Variants in MORC2 observed in about 807,000 individuals in gnomAD.
MORC2 encodes MORC family CW-type zinc finger 2.
Under a neutral mutation model 136.0 loss-of-function variants are expected in MORC2, and 30 were observed. The observed-to-expected ratio is 0.22, with a 90% confidence interval of 0.17 to 0.30. The LOEUF is 0.30. Ranked by LOEUF, MORC2 falls within the 10% of genes least tolerant of loss-of-function variation. The pLI, the probability that MORC2 is intolerant of heterozygous loss-of-function variation, is 1.00. For synonymous variants in MORC2, 439 were observed against 487.0 expected (o/e 0.90, Z 1.30); for missense variants, 922 against 1,333.1 (o/e 0.69, Z 4.80).
intron 12 of MORC2, among the ~76,000 whole-genome samples, chr22:30,938,497 G>A (rs187669362): frequency 7.2e-5 from 11 of 152,120 alleles, no homozygotes. Flanking sequence ...TCTGTGCAAA[G>A]ACAATTATAT....
intron 1 of MORC2, among the ~76,000 whole-genome samples, chr22:30,960,124 C>T (rs556531480): frequency 6.6e-5 from 10 of 152,238 alleles, no homozygotes; most frequent in African/African-American, 2.4e-4. Context: ...TGCGCCACCA[C>T]ACCCGGCTAA....
chr22:30,936,923 T>G lies in MORC2; in HGVS notation c.1604+9A>C, dbSNP rs766929606. 4 of 1,609,660 alleles carry G rather than the reference T, an allele frequency of 2.5e-6. No homozygotes were observed. The highest frequency in any genetic ancestry group is 3.4e-6 in the Non-Finnish European group (4 of 1,176,084). Reference sequence around the variant, plus strand: ...TACCCACAATCCCCTTGTTAGACAATGTGCTCACCGGTCCTGTTCAGGATC... The same window carrying G: ...TACCCACAATCCCCTTGTTAGACAAGGTGCTCACCGGTCCTGTTCAGGATC... On this transcript the variant is annotated intron_variant, in intron 16 of 25. Coordinates refer to ENST00000397641, the MANE Select transcript of MORC2 (RefSeq NM_001303256.3).
intron 10 of MORC2, 27 bp downstream of exon 10, chr22:30,940,731 C>G (rs2040731235): frequency 1.2e-6 from 2 of 1,607,480 alleles, no homozygotes; most frequent in Admixed American, 1.7e-5. Context: ...CACACCCCCC[C>G]AACTCCTGCA....
At position 30,941,288 on chromosome 22, in the gene MORC2, G is replaced by A; in HGVS notation, c.824+145C>T. On this transcript the variant is annotated intron_variant, in intron 9 of 25. Coordinates refer to ENST00000397641, the MANE Select transcript of MORC2 (RefSeq NM_001303256.3). This position sits in a 1 kb window ranked among gnomAD's most constrained non-coding sequence, Gnocchi z 4.6. Reference sequence around the variant, plus strand: ...CTCTAGGACCCAGAACTGACCCTGTGACCAATCACAGGCAACTTAAAGTCC... The same window carrying A: ...CTCTAGGACCCAGAACTGACCCTGTAACCAATCACAGGCAACTTAAAGTCC... The A allele has an allele frequency of 8.0e-7, 1 of 1,243,018 alleles. No homozygotes were observed. 77.0% of individuals were successfully genotyped at this position (1,243,018 alleles called of 1,614,324 possible).
chr22:30,946,136 G>C (rs2040812167), intron 6 of MORC2, among the ~76,000 whole-genome samples: 1 of 152,198 alleles, frequency 6.6e-6, no homozygotes, highest in Non-Finnish European at 1.5e-5. Context: ...GAAGTGCTCT[G>C]AGATTTTGCT....
At position 30,937,049 on chromosome 22, in the gene MORC2, A is replaced by C. The variant is rs774266265; in HGVS notation, c.1499-12T>G. 192 of 1,590,790 alleles carry C rather than the reference A, an allele frequency of 1.2e-4. 1 individual carries two copies. In the South Asian group the frequency reaches 2.0e-3, roughly 17 times the overall value. On this transcript the variant is annotated splice_polypyrimidine_tract_variant and intron_variant, in intron 15 of 25. Coordinates refer to ENST00000397641, the MANE Select transcript of MORC2 (RefSeq NM_001303256.3). The surrounding 1 kb of genome is among the most constrained non-coding windows in gnomAD (Gnocchi z 4.7). ...TTTCAGACACAAATCTGCAGAGAGC[A>C]AAAAAACCCCACATATCAGCCACGC...
At chr22:30,935,366 A>G (rs767517086) in intron 17 of MORC2, 44 bp from the exon 18 acceptor site, 1 of 1,580,010 alleles carries the variant, frequency 6.3e-7, no homozygotes, top group East Asian at 2.2e-5. Flanking sequence ...ATATTTTAGT[A>G]TACTTGAGCA....
chr22:30,949,364 G>C (rs552238962), intron 5 of MORC2, among the ~76,000 whole-genome samples: 1 of 152,294 alleles, frequency 6.6e-6, no homozygotes, highest in Non-Finnish European at 1.5e-5. Context: ...CATGCAGCAG[G>C]TGCTCAGGGA....
In MORC2 at chr22:30,941,635, C is replaced by T; in HGVS notation, c.699-77G>A. The T allele has an allele frequency of 6.5e-7, 1 of 1,546,072 alleles. No homozygotes were observed. On this transcript the variant is annotated intron_variant, in intron 8 of 25. Transcript: ENST00000397641. The surrounding 1 kb of genome is among the most constrained non-coding windows in gnomAD (Gnocchi z 4.6). Reference sequence around the variant, plus strand: ...GACCAAGGGCACAACATCCTCTCTGCAGGCTCTCCACCTTTCCATGTTAGG... The same window carrying T: ...GACCAAGGGCACAACATCCTCTCTGTAGGCTCTCCACCTTTCCATGTTAGG...
At chr22:30,950,339 A>AACCACCCC in intron 4 of MORC2, 38 bp downstream of exon 4, 1 of 539,986 alleles carries the variant, frequency 1.9e-6, no homozygotes, top group South Asian at 1.7e-5. Context: ...GTTACATCGC[A>AACCACCCC]CCCCCCCACC....
Position 30,967,792 on chromosome 22 carries a change from T to G in MORC2, c.68+30A>C, listed in dbSNP as rs1238444811. 4 of 1,550,422 alleles carry G rather than the reference T, an allele frequency of 2.6e-6. No individual in the cohort carries two copies. The East Asian group carries it at 9.8e-5, about 38-fold the overall frequency. On this transcript the variant is annotated intron_variant, in intron 1 of 25. Transcript: ENST00000397641. ...ATAATATCAAGGAACGAGTTACTGG[T>G]TACCTCAGTGGCACCTAGAGGATAC...
chr22:30,932,213 GGAGA>G lies in MORC2; in HGVS notation c.2841+142_2841+145del. On this transcript the variant is annotated intron_variant, in intron 24 of 25. Transcript: ENST00000397641. The surrounding 1 kb of genome is among the most constrained non-coding windows in gnomAD (Gnocchi z 4.4). ...CATAAACTCTCCTCTTCTTTCAGCA[GGAGA>G]GAGGCTGGCTGAGATGGAGCACACA... 1.3e-6 allele frequency: 1 copy of G among 769,972 alleles called. No individual in the cohort carries two copies. The allele number at this position is 769,972 out of a possible 1,614,324, so 47.7% of individuals were successfully genotyped here.
chr22:30,933,146 T>C, intron 21 of MORC2, 116 bp from the exon 22 acceptor site: 1 of 1,412,408 alleles, frequency 7.1e-7, no homozygotes, highest in Non-Finnish European at 9.7e-7. Context: ...ACTTAGGTGC[T>C]TGCCCCCACT....
At chr22:30,944,648 A>G (rs966732801) in intron 6 of MORC2, among the ~76,000 whole-genome samples, 4 of 151,824 alleles carry the variant, frequency 2.6e-5, no homozygotes, top group African/African-American at 9.7e-5. Flanking sequence ...CTTCCCCTCC[A>G]TACTTCCCCT....
At chr22:30,947,769 T>C (rs1364302180) in intron 5 of MORC2, among the ~76,000 whole-genome samples, 1 of 152,180 alleles carries the variant, frequency 6.6e-6, no homozygotes, top group African/African-American at 2.4e-5. Flanking sequence ...TGTCAAAGCA[T>C]GCCCTTGCCC....
chr22:30,953,281 AT>A (rs2040917538), intron 3 of MORC2, among the ~76,000 whole-genome samples: 1 of 152,214 alleles, frequency 6.6e-6, no homozygotes. Flanking sequence ...CCCGCCTCCC[AT>A]CACACATCTT....
intron 24 of MORC2, among the ~76,000 whole-genome samples, chr22:30,928,874 G>A (rs1000593592): frequency 2.0e-5 from 3 of 152,114 alleles, no homozygotes; most frequent in Non-Finnish European, 4.4e-5. Context: ...ATCTCTTTAG[G>A]TTCAATTTAT....
At chr22:30,954,621 A>C (rs779576101) in intron 3 of MORC2, among the ~76,000 whole-genome samples, 1 of 152,188 alleles carries the variant, frequency 6.6e-6, no homozygotes, top group Non-Finnish European at 1.5e-5. Context: ...GCACAGAATA[A>C]AGACACACTG....
Position 30,937,433 on chromosome 22 carries a change from G to A in MORC2, c.1498+150C>T. 8.2e-7 allele frequency: 1 copy of A among 1,222,210 alleles called. No homozygotes were observed. The highest frequency in any genetic ancestry group is 1.1e-6 in the Non-Finnish European group (1 of 878,766). The allele number at this position is 1,222,210 out of a possible 1,614,324, so 75.7% of individuals were successfully genotyped here. The stretch of plus-strand genomic sequence containing the variant: ...AAACTCAGCAAAGCCTCAAGACTGA[G>A]CTCACAGGGCCATCGTCAAACAGAC... On this transcript the variant is annotated intron_variant, in intron 15 of 25. Transcript: ENST00000397641. This position sits in a 1 kb window ranked among gnomAD's most constrained non-coding sequence, Gnocchi z 4.7.
Sources: gnomAD v4.1 joint callset for allele counts (sites outside exome capture counted in the v4.1 genomes callset) on GRCh38, gnomAD v4.1.1 for gene constraint, Gnocchi (gnomAD v3.1) non-coding constraint, MANE v1.5 for transcripts, NCBI Gene and HGNC (gene_info 2026-07-23, HGNC 2026-07-21) for gene names.